AGMO: variants seen among roughly 807,000 people sequenced by gnomAD.
The protein encoded by AGMO is glyceryl-ether monooxygenase.
In AGMO, 75 loss-of-function variants were observed where a neutral mutation model predicts 60.2. The ratio of observed to expected loss-of-function variants is 1.25; its 90% CI spans 1.03 to 1.51. AGMO has a LOEUF of 1.51. AGMO is among the 40% of genes most tolerant of loss of function. AGMO has a pLI of 0.00. For synonymous variants in AGMO, 261 were observed against 177.1 expected, an observed-to-expected ratio of 1.47 and a Z score of -3.76; for missense variants, 763 against 525.5, an observed-to-expected ratio of 1.45 and a Z score of -4.42.
intron 12 of AGMO, among the ~76,000 whole-genome samples, chr7:15,278,985 G>C (rs948505405): frequency 6.6e-6 from 1 of 152,174 alleles, no homozygotes; most frequent in African/African-American, 2.4e-5. Flanking sequence ...GGCTGTGGTA[G>C]TTGTCTTTGA....
At chr7:15,138,708 C>T in the AGMO span, among the ~76,000 whole-genome samples, 1 of 152,076 alleles carries the variant, frequency 6.6e-6, no homozygotes, top group Non-Finnish European at 1.5e-5. Context: ...AATGTACAGC[C>T]TGAGACGGTA....
intron 5 of AGMO, among the ~76,000 whole-genome samples, chr7:15,406,317 G>A (rs1445194164): frequency 7.1e-6 from 1 of 141,706 alleles, no homozygotes; most frequent in Middle Eastern, 3.8e-3. Context: ...ACATATATAT[G>A]TGTATATATA....
chr7:15,394,326 A>C, intron 5 of AGMO, 147 bp from the exon 6 acceptor site: 1 of 643,798 alleles, frequency 1.6e-6, no homozygotes, highest in East Asian at 2.7e-5. Context: ...GTTCCACTGA[A>C]ATCTGGAATT....
intron 3 of AGMO, among the ~76,000 whole-genome samples, chr7:15,473,830 T>C (rs1782519535): frequency 6.6e-6 from 1 of 152,042 alleles, no homozygotes; most frequent in Admixed American, 6.6e-5. Context: ...CCTAAAATCT[T>C]AAGCTGATAA....
At position 15,325,920 on chromosome 7, in the gene AGMO, A is replaced by G. The variant is rs573797855; in HGVS notation, c.1263+39594T>C. ...TAATGACAAAAAGAAGAGGAAGAAGACGGAGGAGGAGGAGGAGAGGGAGAG... is the reference window on the plus strand; with the variant it reads ...TAATGACAAAAAGAAGAGGAAGAAGGCGGAGGAGGAGGAGGAGAGGGAGAG... On this transcript the variant is annotated intron_variant, in intron 12 of 12. Coordinates refer to ENST00000342526, the MANE Select transcript of AGMO (RefSeq NM_001004320.2). Among the ~76,000 whole-genome samples the G allele has an allele frequency of 6.2e-4, 93 of 151,008 alleles. 1 individual carries two copies. Among genetic ancestry groups the G allele is most frequent in the Non-Finnish European group, 1.2e-3 (81 of 67,186 alleles).
chr7:15,210,250 T>C (rs868048210), intron 12 of AGMO, among the ~76,000 whole-genome samples: 11 of 152,162 alleles, frequency 7.2e-5, no homozygotes, highest in African/African-American at 2.4e-4. Context: ...CAATCAGATA[T>C]TGCATTACCA....
chr7:15,558,624 ATCT>A (rs1009736356), intron 2 of AGMO, among the ~76,000 whole-genome samples: 6 of 152,064 alleles, frequency 3.9e-5, no homozygotes, highest in South Asian at 2.1e-4. Flanking sequence ...TGGAGACATT[ATCT>A]TCTTCTGATT....
At chr7:15,544,947 G>C in intron 2 of AGMO, 24 bp from the exon 3 acceptor site, 1 of 1,463,126 alleles carries the variant, frequency 6.8e-7, no homozygotes, top group Non-Finnish European at 9.1e-7. Context: ...TTCACAATCA[G>C]TGATTATATA....
rs74529446 is a variant in AGMO, at chr7:15,421,277, A to G, written c.514-2624T>C. Reference sequence around the variant, plus strand: ...TGGGAGAGTGTGTATTTTTCTCAAGAAACAATTGATAGCCTTCATCAGCGA... The same window carrying G: ...TGGGAGAGTGTGTATTTTTCTCAAGGAACAATTGATAGCCTTCATCAGCGA... On this transcript the variant is annotated intron_variant, in intron 4 of 12. Transcript: ENST00000342526. Among the ~76,000 whole-genome samples the G allele has an allele frequency of 9.3e-3, 1,415 of 152,134 alleles. 26 individuals carry two copies. Among genetic ancestry groups the G allele is most frequent in the African/African-American group, 0.033 (1,382 of 41,496 alleles).
rs1258963714 is a variant in AGMO at position 15,254,884 on chromosome 7, ACTC to A, written c.1264-53528_1264-53526del. 4.5e-4 allele frequency among the ~76,000 whole-genome samples: 68 copies of A among 152,194 alleles called. No individual in the cohort carries two copies. In the East Asian group the frequency reaches 9.6e-3, roughly 22 times the overall value. On this transcript the variant is annotated intron_variant, in intron 12 of 12. Transcript: ENST00000342526. ...TAGAAAACATAGAAGAAATGGATAA[ACTC>A]CTCGACACCTACCATAATTGAATCA...
chr7:15,453,663 T>C (rs1235861638), intron 3 of AGMO, among the ~76,000 whole-genome samples: 3 of 152,106 alleles, frequency 2.0e-5, no homozygotes, highest in Admixed American at 6.5e-5. Context: ...ACCTAGAAGG[T>C]GAAAAACATC....
intron 12 of AGMO, among the ~76,000 whole-genome samples, chr7:15,283,794 A>C (rs1034430903): frequency 6.6e-6 from 1 of 152,056 alleles, no homozygotes; most frequent in Non-Finnish European, 1.5e-5. Flanking sequence ...TCACCAGTAC[A>C]TGGAGCAGTC....
intron 5 of AGMO, among the ~76,000 whole-genome samples, chr7:15,400,123 T>C (rs1210727632): frequency 2.0e-5 from 3 of 152,206 alleles, no homozygotes; most frequent in Non-Finnish European, 2.9e-5. Flanking sequence ...AATTGTGCCT[T>C]ACCATTCTCT....
intron 12 of AGMO, among the ~76,000 whole-genome samples, chr7:15,266,038 C>T (rs1783421948): frequency 6.6e-6 from 1 of 151,996 alleles, no homozygotes; most frequent in Admixed American, 6.6e-5. Flanking sequence ...TAGAAAAAGA[C>T]AAATTCGATA....
At chr7:15,145,508 A>G in the AGMO span, among the ~76,000 whole-genome samples, 1 of 152,166 alleles carries the variant, frequency 6.6e-6, no homozygotes, top group South Asian at 2.1e-4. Flanking sequence ...TAAATAACAG[A>G]ATAGAAATAT....
At chr7:15,529,564 T>TTC (rs1310211947) in intron 3 of AGMO, among the ~76,000 whole-genome samples, 22 of 120,798 alleles carry the variant, frequency 1.8e-4, no homozygotes, top group African/African-American at 6.1e-4. Flanking sequence ...AGAATATATA[T>TTC]TCTATATATA....
intron 3 of AGMO, among the ~76,000 whole-genome samples, chr7:15,502,242 G>C (rs879890885): frequency 1.7e-4 from 26 of 152,030 alleles, no homozygotes; most frequent in South Asian, 6.2e-4. Context: ...TTTCAGACTA[G>C]AGGAGATCAA....
intron 3 of AGMO, among the ~76,000 whole-genome samples, chr7:15,485,705 C>A (rs1190151078): frequency 6.6e-6 from 1 of 152,028 alleles, no homozygotes; most frequent in Non-Finnish European, 1.5e-5. Context: ...GAATTACAGG[C>A]TTCACACTCT....
intron 10 of AGMO, 95 bp downstream of exon 10, chr7:15,385,351 G>A: frequency 1.2e-6 from 1 of 830,948 alleles, no homozygotes; most frequent in Non-Finnish European, 2.0e-6. Context: ...CCACTACAGA[G>A]AATATATGAC....
Sources: gnomAD v4.1 joint callset for allele counts (sites outside exome capture counted in the v4.1 genomes callset) on GRCh38, gnomAD v4.1.1 for gene constraint, MANE v1.5 for transcripts, NCBI Gene and HGNC (gene_info 2026-07-23, HGNC 2026-07-21) for gene names.